The following ADAMTS19 variants were observed in gnomAD, a reference collection of about 807,000 sequenced individuals.
ADAMTS19 encodes A disintegrin and metalloproteinase with thrombospondin motifs 19.
ADAMTS19 carries 93 observed loss-of-function variants against 153.3 expected under a neutral mutation model. That is an observed-to-expected ratio of 0.61 (90% confidence interval 0.51 to 0.72). The LOEUF is 0.72. ADAMTS19 is among the 30% of genes least tolerant of loss of function. The pLI is 0.00. For missense variants in ADAMTS19, 1,482 were observed against 1,552.1 expected (o/e 0.95, Z 0.76); for synonymous variants, 600 against 556.6 (o/e 1.08, Z -1.10).
At chr5:129,482,124 G>A (rs1024766214) in intron 2 of ADAMTS19, among the ~76,000 whole-genome samples, 4 of 152,144 alleles carry the variant, frequency 2.6e-5, no homozygotes, top group Non-Finnish European at 5.9e-5. Context: ...TGAAGAACTA[G>A]GGTGTTTGAA....
intron 10 of ADAMTS19, among the ~76,000 whole-genome samples, chr5:129,631,181 T>TTA (rs1554100688): frequency 2.9e-5 from 4 of 138,674 alleles, no homozygotes; most frequent in African/African-American, 8.2e-5. Flanking sequence ...TTTTTTTTTT[T>TTA]ATCACTTAAG....
Position 129,738,586 on chromosome 5 carries a change from C to T in ADAMTS19, c.*1368C>T, listed in dbSNP as rs1757770941. 1 of 152,032 alleles carries T rather than the reference C, an allele frequency of 6.6e-6. No homozygotes were observed. Among genetic ancestry groups the T allele is most frequent in the African/African-American group, 2.4e-5 (1 of 41,404 alleles). The allele number at this position is 152,032 out of a possible 1,614,324, so 9.4% of individuals were successfully genotyped here. ...TGAGGTCACCTGGCTCTCTTCATGT[C>T]ACCCTTTGGGAAATGGGGCTCAACG... On this transcript the variant is annotated 3_prime_UTR_variant, in exon 23 of 23. Coordinates refer to ENST00000274487, the MANE Select transcript of ADAMTS19 (RefSeq NM_133638.6).
At chr5:129,605,013 C>T (rs1351115068) in intron 8 of ADAMTS19, among the ~76,000 whole-genome samples, 1 of 152,190 alleles carries the variant, frequency 6.6e-6, no homozygotes, top group African/African-American at 2.4e-5. Context: ...CAGCTGTTGA[C>T]TCCACCTTCA....
At chr5:129,729,396 T>C (rs17163027) in intron 21 of ADAMTS19, among the ~76,000 whole-genome samples, 3,180 of 151,996 alleles carry the variant, frequency 0.021, 109 homozygotes, top group African/African-American at 0.07. Flanking sequence ...ATTTTCCATA[T>C]ATTTGTAATA....
At chr5:129,584,724 C>T (rs1434969992) in intron 7 of ADAMTS19, among the ~76,000 whole-genome samples, 2 of 152,176 alleles carry the variant, frequency 1.3e-5, no homozygotes, top group African/African-American at 2.4e-5. Flanking sequence ...ACTCAAGCCT[C>T]ATTAATGGTG....
chr5:129,711,134 G>T (rs1346291159), intron 21 of ADAMTS19, among the ~76,000 whole-genome samples: 1 of 152,118 alleles, frequency 6.6e-6, no homozygotes, highest in East Asian at 1.9e-4. Context: ...CTATTAGAGG[G>T]AAACTCAATC....
At chr5:129,697,270 C>G (rs1561655128) in intron 19 of ADAMTS19, among the ~76,000 whole-genome samples, 1 of 152,032 alleles carries the variant, frequency 6.6e-6, no homozygotes, top group Non-Finnish European at 1.5e-5. Context: ...GTCTACCCAC[C>G]CTCCTTTCAT....
At chr5:129,491,400 T>C (rs1204292238) in intron 2 of ADAMTS19, among the ~76,000 whole-genome samples, 1 of 152,166 alleles carries the variant, frequency 6.6e-6, no homozygotes, top group Non-Finnish European at 1.5e-5. Flanking sequence ...ACATTTTATT[T>C]CCAAGTAGAT....
At chr5:129,581,002 A>G (rs1367766511) in intron 7 of ADAMTS19, among the ~76,000 whole-genome samples, 1 of 152,164 alleles carries the variant, frequency 6.6e-6, no homozygotes, top group East Asian at 1.9e-4. Context: ...TAGTTTCAGA[A>G]AGAATGGTAC....
At chr5:129,532,857 G>T (rs986981770) in intron 6 of ADAMTS19, among the ~76,000 whole-genome samples, 1 of 152,100 alleles carries the variant, frequency 6.6e-6, no homozygotes, top group Non-Finnish European at 1.5e-5. Flanking sequence ...CCAGCAATTT[G>T]GGAGGCCTAG....
At chr5:129,663,732 C>A (rs1581201886) in intron 15 of ADAMTS19, among the ~76,000 whole-genome samples, 1 of 152,266 alleles carries the variant, frequency 6.6e-6, no homozygotes, top group African/African-American at 2.4e-5. Flanking sequence ...TAGTCAAAGC[C>A]TCTTAAAGCC....
At chr5:129,639,402 C>T (rs1023384166) in intron 10 of ADAMTS19, among the ~76,000 whole-genome samples, 4 of 152,116 alleles carry the variant, frequency 2.6e-5, no homozygotes, top group Admixed American at 6.6e-5. Context: ...TTTTTAAGAC[C>T]GAGGCTGTAA....
chr5:129,578,087 CAT>C (rs1561580856), intron 7 of ADAMTS19, among the ~76,000 whole-genome samples: 18 of 38,796 alleles, frequency 4.6e-4, no homozygotes, highest in South Asian at 4.3e-3. Context: ...CACATATATA[CAT>C]ATACATACAT....
At chr5:129,684,088 C>T in intron 17 of ADAMTS19, 32 bp from the exon 18 acceptor site, 1 of 1,581,644 alleles carries the variant, frequency 6.3e-7, no homozygotes, top group Non-Finnish European at 8.6e-7. Context: ...CTAGTTTGAC[C>T]CATCTGCCTT....
intron 21 of ADAMTS19, among the ~76,000 whole-genome samples, chr5:129,711,597 A>C (rs1044020155): frequency 5.3e-5 from 8 of 151,778 alleles, no homozygotes; most frequent in Admixed American, 2.0e-4. Context: ...AATTGCTTGA[A>C]CCCAGGAGGC....
intron 8 of ADAMTS19, among the ~76,000 whole-genome samples, chr5:129,605,523 T>A (rs1025601921): frequency 6.6e-6 from 1 of 152,220 alleles, no homozygotes; most frequent in East Asian, 1.9e-4. Context: ...GCCTTTCTGA[T>A]AACATTTCTT....
intron 6 of ADAMTS19, among the ~76,000 whole-genome samples, chr5:129,551,143 G>C (rs1753076732): frequency 6.6e-6 from 1 of 151,516 alleles, no homozygotes; most frequent in Non-Finnish European, 1.5e-5. Flanking sequence ...TAAATAATTT[G>C]CCTAAGATCA....
intron 8 of ADAMTS19, among the ~76,000 whole-genome samples, chr5:129,608,579 G>A (rs1751041668): frequency 6.6e-6 from 1 of 152,102 alleles, no homozygotes. Context: ...GCTCTAAGAA[G>A]AGAGGATATG....
In ADAMTS19 at chr5:129,684,146, T is replaced by C. The variant is rs777719169; in HGVS notation, c.2691T>C (p.Tyr897=). ...LLVLLFQDQN[Y]GLHYEYTIPS... ...TGCTCCTGTTTCAGGATCAGAATTATGGTCTTCACTATGAATACACTATCC... is the reference window on the plus strand; with the variant it reads ...TGCTCCTGTTTCAGGATCAGAATTACGGTCTTCACTATGAATACACTATCC... The change falls in exon 18 of 23, where the codon TAT becomes TAC. Residue 897 remains tyrosine (Y), a synonymous_variant. Coordinates refer to ENST00000274487, the MANE Select transcript of ADAMTS19 (RefSeq NM_133638.6). 19 of 1,613,970 alleles carry C rather than the reference T, an allele frequency of 1.2e-5. No homozygotes were observed. The East Asian group carries it at 3.8e-4, about 32-fold the overall frequency.
Sources: allele counts gnomAD v4.1 joint callset (sites outside exome capture counted in the v4.1 genomes callset), GRCh38; gene constraint gnomAD v4.1.1; transcripts MANE v1.5; gene names NCBI Gene and HGNC (gene_info 2026-07-23, HGNC 2026-07-21).